PTPRD: variants seen among roughly 807,000 people sequenced by gnomAD.
The protein encoded by PTPRD is receptor-type tyrosine-protein phosphatase delta.
In PTPRD, 34 loss-of-function variants were observed where a neutral mutation model predicts 214.5. That is an observed-to-expected ratio of 0.16 (90% CI 0.12 to 0.21). PTPRD has a LOEUF of 0.21. PTPRD is among the 10% of genes least tolerant of loss of function. The pLI is 1.00. For synonymous variants in PTPRD, 1,128 were observed against 845.7 expected (o/e 1.33, Z -5.79); for missense variants, 2,545 against 2,398.7 (o/e 1.06, Z -1.27).
At chr9:9,010,514 AGAG>A (rs893580867) in intron 11 of PTPRD, among the ~76,000 whole-genome samples, 5 of 152,330 alleles carry the variant, frequency 3.3e-5, no homozygotes, top group Middle Eastern at 3.4e-3. Flanking sequence ...ATAAAAGGAA[AGAG>A]GAGTTCTGTT....
chr9:8,383,762 C>G (rs977366311), intron 37 of PTPRD, among the ~76,000 whole-genome samples: 18 of 152,160 alleles, frequency 1.2e-4, no homozygotes, highest in African/African-American at 4.3e-4. Context: ...AGTACATTTA[C>G]AAACAGCTCT....
rs982233893 is a variant in PTPRD, at chr9:10,569,722, C to T, written c.-600+42676G>A. The stretch of plus-strand genomic sequence containing the variant: ...TCACACATATTTCTCCAAAGTGAGA[C>T]AATTATTGAATTGCATTTTATTCAA... On this transcript the variant is annotated intron_variant, in intron 2 of 45. Coordinates refer to ENST00000381196, the MANE Select transcript of PTPRD (RefSeq NM_002839.4). 9.2e-5 allele frequency among the ~76,000 whole-genome samples: 14 copies of T among 152,182 alleles called. No homozygotes were observed. In the East Asian group the frequency reaches 2.3e-3, roughly 25 times the overall value.
intron 8 of PTPRD, among the ~76,000 whole-genome samples, chr9:9,446,333 C>A (rs972496106): frequency 6.6e-6 from 1 of 152,134 alleles, no homozygotes; most frequent in Non-Finnish European, 1.5e-5. Flanking sequence ...ACAGATAAAA[C>A]AAGGAAGAGA....
chr9:10,121,535 TA>T (rs2098775409), intron 3 of PTPRD, among the ~76,000 whole-genome samples: 1 of 152,072 alleles, frequency 6.6e-6, no homozygotes, highest in Non-Finnish European at 1.5e-5. Flanking sequence ...GAAAGATACA[TA>T]AGGAGGAAAT....
intron 7 of PTPRD, among the ~76,000 whole-genome samples, chr9:9,596,549 G>C (rs547991866): frequency 1.3e-5 from 2 of 151,796 alleles, no homozygotes; most frequent in Non-Finnish European, 2.9e-5. Flanking sequence ...TGTGATTTTA[G>C]CAATGTTTTT....
intron 11 of PTPRD, among the ~76,000 whole-genome samples, chr9:8,808,167 C>T (rs72702365): frequency 0.022 from 3,389 of 152,118 alleles, 78 homozygotes; most frequent in African/African-American, 0.062. Context: ...CATGTCTAAC[C>T]GATTTAGGAT....
intron 4 of PTPRD, among the ~76,000 whole-genome samples, chr9:9,971,410 G>A (rs10978143): frequency 0.2 from 30,764 of 152,000 alleles, 3,769 homozygotes; most frequent in Middle Eastern, 0.35. Context: ...CATTTTGAAG[G>A]TAGAAGATTA....
Position 8,703,848 on chromosome 9 carries a change from A to G in PTPRD, c.64+29932T>C, listed in dbSNP as rs143013909. Among the ~76,000 whole-genome samples, 587 of 152,302 alleles carry G rather than the reference A, an allele frequency of 3.9e-3. 2 individuals are homozygous for G. Among genetic ancestry groups the G allele is most frequent in the Middle Eastern group, 6.8e-3 (2 of 294 alleles). On this transcript the variant is annotated intron_variant, in intron 12 of 45. Transcript: ENST00000381196. ...CTCCAGAAGGTTATTTAACAGACAG[A>G]TAAAATTCAATATGTCCCAAACCGA...
At chr9:8,623,433 G>A (rs897643159) in intron 14 of PTPRD, among the ~76,000 whole-genome samples, 2 of 151,906 alleles carry the variant, frequency 1.3e-5, no homozygotes, top group African/African-American at 2.4e-5. Flanking sequence ...AGTGGACAAG[G>A]TAGCTTGACT....
At chr9:9,499,625 T>C (rs1326452279) in intron 8 of PTPRD, among the ~76,000 whole-genome samples, 4 of 152,064 alleles carry the variant, frequency 2.6e-5, no homozygotes, top group Non-Finnish European at 5.9e-5. Context: ...ATCAGACTGG[T>C]ATATGGGCAA....
chr9:8,557,745 TAAAAAAAAA>T (rs752836520), intron 14 of PTPRD, among the ~76,000 whole-genome samples: 3 of 46,780 alleles, frequency 6.4e-5, no homozygotes, highest in East Asian at 6.2e-4. Context: ...TGTCTCTCAA[TAAAAAAAAA>T]AAAAAAAAAA....
At chr9:10,432,103 C>T (rs1012638212) in intron 2 of PTPRD, among the ~76,000 whole-genome samples, 40 of 151,626 alleles carry the variant, frequency 2.6e-4, no homozygotes, top group African/African-American at 9.4e-4. Flanking sequence ...TACTATGCAG[C>T]CATAAAAAAA....
chr9:10,606,187 G>A (rs942369210), intron 2 of PTPRD, among the ~76,000 whole-genome samples: 1 of 151,802 alleles, frequency 6.6e-6, no homozygotes, highest in African/African-American at 2.4e-5. Flanking sequence ...AAAAGTGTGA[G>A]CCAGACTTCC....
chr9:8,940,394 T>C (rs1056385735), intron 11 of PTPRD, among the ~76,000 whole-genome samples: 2 of 146,834 alleles, frequency 1.4e-5, no homozygotes, highest in East Asian at 2.1e-4. Context: ...GTGATTCTCC[T>C]GCCTCAGCCT....
At chr9:8,621,894 C>T (rs1361687954) in intron 14 of PTPRD, among the ~76,000 whole-genome samples, 1 of 151,822 alleles carries the variant, frequency 6.6e-6, no homozygotes, top group Non-Finnish European at 1.5e-5. Flanking sequence ...TAACAGTGTT[C>T]CTGTTTTGGA....
intron 2 of PTPRD, among the ~76,000 whole-genome samples, chr9:10,486,011 T>A (rs7847371): frequency 0.92 from 138,764 of 151,264 alleles, 63,734 homozygotes; most frequent in East Asian, 1. Flanking sequence ...TGTTCACATC[T>A]TTTTCCCACT....
intron 14 of PTPRD, among the ~76,000 whole-genome samples, chr9:8,612,381 T>A (rs1021991792): frequency 5.3e-5 from 8 of 152,116 alleles, no homozygotes; most frequent in African/African-American, 1.7e-4. Flanking sequence ...TGAATTTGAG[T>A]CTATAGGCAA....
intron 9 of PTPRD, among the ~76,000 whole-genome samples, chr9:9,383,411 G>T (rs1284259760): frequency 1.3e-5 from 2 of 152,038 alleles, no homozygotes; most frequent in Non-Finnish European, 2.9e-5. Flanking sequence ...ATCCTTAAGA[G>T]AATTTGTATA....
chr9:10,030,795 G>T (rs1361852474), intron 4 of PTPRD, among the ~76,000 whole-genome samples: 1 of 152,160 alleles, frequency 6.6e-6, no homozygotes, highest in Non-Finnish European at 1.5e-5. Flanking sequence ...CAGGTAATTT[G>T]TCATACTCCC....
Sources: gnomAD v4.1 joint callset for allele counts (sites outside exome capture counted in the v4.1 genomes callset) on GRCh38, gnomAD v4.1.1 for gene constraint, MANE v1.5 for transcripts, NCBI Gene and HGNC (gene_info 2026-07-23, HGNC 2026-07-21) for gene names.